The following STRC variants were observed in gnomAD, a reference collection of about 807,000 sequenced individuals.
The protein encoded by STRC is stereocilin.
A neutral mutation model predicts 103.5 loss-of-function variants in STRC; 43 were observed. That is an observed-to-expected ratio of 0.42 (90% CI 0.33 to 0.54). The LOEUF (loss-of-function observed/expected upper bound fraction) is 0.54, where lower values mean the gene tolerates loss of function less well. Among genes scored for constraint, STRC ranks in the 20% least tolerant of loss-of-function variants. The probability of loss-of-function intolerance (pLI) is 0.14; values close to 1 mark genes in which losing one functional copy is unlikely to be tolerated. For synonymous variants in STRC, 186 were observed against 442.3 expected (o/e 0.42, Z 7.27); for missense variants, 499 against 1,088.5 (o/e 0.46, Z 7.62).
chr15:43,609,345 A>C lies in STRC; in HGVS notation c.3499-11T>G, dbSNP rs2085732832. ...CCAGAGAAACTGTGCCTACAAGAGA[A>C]AGAAAGACGAGCCCCTTCCCAGAAG... On this transcript the variant is annotated splice_polypyrimidine_tract_variant and intron_variant, in intron 15 of 28. Coordinates refer to ENST00000450892, the MANE Select transcript of STRC (RefSeq NM_153700.2). 3.7e-6 allele frequency: 6 copies of C among 1,606,128 alleles called. 1 individual carries two copies. In the African/African-American group the frequency reaches 8.4e-5, roughly 23 times the overall value.
Position 43,604,856 on chromosome 15 carries a change from A to G in STRC, c.3931-10T>C. 1 of 1,599,670 alleles carries G rather than the reference A, an allele frequency of 6.3e-7. No homozygotes were observed. Among genetic ancestry groups the G allele is most frequent in the Non-Finnish European group, 8.5e-7 (1 of 1,171,302 alleles). On this transcript the variant is annotated splice_polypyrimidine_tract_variant and intron_variant, in intron 19 of 28. Transcript: ENST00000450892. Reference sequence around the variant, plus strand: ...GAGTCTCCTTTGGAGCCTGGAGAAGAGCATCAGAACTTGGACAATGCACTT... The same window carrying G: ...GAGTCTCCTTTGGAGCCTGGAGAAGGGCATCAGAACTTGGACAATGCACTT...
chr15:43,608,497 G>A (rs1173318901), intron 16 of STRC, among the ~76,000 whole-genome samples: 4 of 141,188 alleles, frequency 2.8e-5, no homozygotes, highest in Admixed American at 2.1e-4. Flanking sequence ...AGGCTGAGGC[G>A]GGTGGATCAC....
chr15:43,606,965 A>G (rs1017688863), intron 18 of STRC, among the ~76,000 whole-genome samples: 2 of 127,066 alleles, frequency 1.6e-5, no homozygotes, highest in Non-Finnish European at 3.3e-5. Flanking sequence ...ACGTCACTGC[A>G]CTCCAGCCTT....
chr15:43,603,947 A>G, intron 22 of STRC, 49 bp downstream of exon 22: 4 of 1,611,426 alleles, frequency 2.5e-6, no homozygotes, highest in Non-Finnish European at 3.4e-6. Context: ...AGACCGTTTG[A>G]TACTCCCTGT....
intron 14 of STRC, chr15:43,610,645 A>G: frequency 3.8e-6 from 2 of 524,198 alleles, no homozygotes; most frequent in Non-Finnish European, 6.7e-6. Context: ...CCAGGCAAAC[A>G]AAGTCCCTTA....
chr15:43,606,397 C>T (rs1313893114), intron 18 of STRC, among the ~76,000 whole-genome samples: 8 of 128,490 alleles, frequency 6.2e-5, no homozygotes, highest in Non-Finnish European at 9.9e-5. Flanking sequence ...GTCAGAAATT[C>T]GAGACCACCC....
At chr15:43,605,132 C>G in intron 19 of STRC, 132 bp downstream of exon 19, 2 of 1,536,732 alleles carry the variant, frequency 1.3e-6, no homozygotes, top group Non-Finnish European at 8.8e-7. Flanking sequence ...AGGGGCCAGG[C>G]CTTGTAGACA....
At chr15:43,610,886 G>C in intron 14 of STRC, 33 bp downstream of exon 14, 2 of 1,608,534 alleles carry the variant, frequency 1.2e-6, no homozygotes, top group Non-Finnish European at 1.7e-6. Context: ...CCAGAATGGG[G>C]AGAGGAGCTC....
intron 22 of STRC, 151 bp from the exon 23 acceptor site, chr15:43,603,562 G>C (rs2085689712): frequency 2.3e-6 from 2 of 859,526 alleles, no homozygotes; most frequent in Non-Finnish European, 3.8e-6. Flanking sequence ...ATATGTATAG[G>C]GCTTAGGAGA....
chr15:43,601,836 A>G (rs1263063161), intron 23 of STRC, among the ~76,000 whole-genome samples: 1 of 151,830 alleles, frequency 6.6e-6, no homozygotes, highest in Admixed American at 6.6e-5. Context: ...ACAGATGCCT[A>G]GGGCCCAGCA....
At chr15:43,601,596 G>A (rs981010777) in intron 23 of STRC, 45 bp from the exon 24 acceptor site, 1 of 1,601,492 alleles carries the variant, frequency 6.2e-7, no homozygotes, top group Non-Finnish European at 8.6e-7. Context: ...GCAGTGGATT[G>A]GGAGTCATAC....
intron 19 of STRC, 164 bp downstream of exon 19, chr15:43,605,100 G>C (rs1336364424): frequency 7.2e-7 from 1 of 1,396,344 alleles, no homozygotes; most frequent in Non-Finnish European, 9.9e-7. Flanking sequence ...TATTATCAAG[G>C]AACAGAACCC....
Position 43,603,291 on chromosome 15 carries a change from G to A in STRC, c.4496C>T (p.Pro1499Leu), listed in dbSNP as rs909593440. Reference sequence around the variant, plus strand: ...CCGCAGTTCCTCAGGCCCAAGTCCTGGGTCTCCTGCAAATAATGTCAGGCA... The same window carrying A: ...CCGCAGTTCCTCAGGCCCAAGTCCTAGGTCTCCTGCAAATAATGTCAGGCA... ...EDCLTLFAGD[P>L]GLGPEELRAA... is the part of the protein sequence containing the mutation. The change falls in exon 23 of 29, where the codon CCA becomes CTA. Residue 1499 changes from proline (P) to leucine (L), a missense_variant. Transcript: ENST00000450892. 3.7e-6 allele frequency: 6 copies of A among 1,613,658 alleles called. 1 individual carries two copies. In the East Asian group the frequency reaches 8.9e-5, roughly 24 times the overall value.
In STRC at chr15:43,609,328, A is replaced by G. The variant is rs575650409; in HGVS notation, c.3505T>C (p.Phe1169Leu). ...GGTACTTGCATCTTCTTCCAGAGAA[A>G]CTGTGCCTACAAGAGAAAGAAAGAC... ...ELPWSEQQAQ[F>L]LWKKMQVPTN... The change falls in exon 16 of 29, where the codon TTT becomes CTT. Residue 1169 changes from phenylalanine to leucine, a missense_variant. Transcript: ENST00000450892. The G allele has an allele frequency of 6.2e-7, 1 of 1,608,946 alleles. No homozygotes were observed. Among genetic ancestry groups the G allele is most frequent in the African/African-American group, 1.4e-5 (1 of 72,044 alleles).
In STRC at chr15:43,618,295, C is replaced by CTTCAGG. The variant is rs2085771161; in HGVS notation, c.125_126insCCTGAA (p.Leu42delinsPheLeuLys). ...GGGGAGCCTGGTCCAGAGTGGAGAG[C>CTTCAGG]AATGACTTCAGGAAGGAGAGACCAG... On this transcript the variant is annotated protein_altering_variant, in exon 2 of 29. Coordinates refer to ENST00000450892, the MANE Select transcript of STRC (RefSeq NM_153700.2). 17 of 505,854 alleles carry CTTCAGG rather than the reference C, an allele frequency of 3.4e-5. No individual in the cohort carries two copies. Among genetic ancestry groups the CTTCAGG allele is most frequent in the South Asian group, 2.7e-4 (13 of 47,672 alleles). The allele number at this position is 505,854 out of a possible 1,614,324, so 31.3% of individuals were successfully genotyped here. A position where few individuals can be genotyped will look rare whatever the true frequency, so the allele number is the denominator to read the frequency against.
intron 23 of STRC, 61 bp from the exon 24 acceptor site, chr15:43,601,612 G>A: frequency 1.3e-6 from 2 of 1,573,052 alleles, no homozygotes; most frequent in Non-Finnish European, 1.7e-6. Flanking sequence ...CATACTGCTG[G>A]GTTTTAAGTC....
chr15:43,603,729 T>A, intron 22 of STRC: 1 of 718,778 alleles, frequency 1.4e-6, no homozygotes, highest in Non-Finnish European at 2.2e-6. Context: ...AGCAGAGAGC[T>A]CCACACTTAG....
intron 22 of STRC, chr15:43,603,682 T>G (rs2085690595): frequency 7.9e-6 from 5 of 629,530 alleles, no homozygotes; most frequent in Non-Finnish European, 1.4e-5. Flanking sequence ...TTCTCCAGCC[T>G]CACAATGTCT....
intron 14 of STRC, 139 bp downstream of exon 14, chr15:43,610,780 C>T: frequency 1.7e-6 from 2 of 1,201,446 alleles, no homozygotes; most frequent in Non-Finnish European, 2.4e-6. Flanking sequence ...CTGCATCTGG[C>T]ACTGGGGAGG....
Sources: allele counts gnomAD v4.1 joint callset (sites outside exome capture counted in the v4.1 genomes callset), GRCh38; gene constraint gnomAD v4.1.1; transcripts MANE v1.5; gene names NCBI Gene and HGNC (gene_info 2026-07-23, HGNC 2026-07-21).